Variants in CDH18 observed in about 807,000 individuals in gnomAD.
CDH18 encodes the protein cadherin-18.
A neutral mutation model predicts 67.9 loss-of-function variants in CDH18; 31 were observed. That is an observed-to-expected ratio of 0.46 (90% CI 0.34 to 0.62). The LOEUF is 0.62. Among genes scored for constraint, CDH18 ranks in the 20% least tolerant of loss-of-function variants. The pLI is 0.01. For synonymous variants in CDH18, 362 were observed against 347.2 expected (o/e 1.04, Z -0.48); for missense variants, 890 against 975.5 (o/e 0.91, Z 1.17).
chr5:20,524,080 T>A (rs1231238778), intron 1 of CDH18, among the ~76,000 whole-genome samples: 1 of 152,212 alleles, frequency 6.6e-6, no homozygotes, highest in African/African-American at 2.4e-5. Flanking sequence ...AGCTCTTTTC[T>A]ATCCAATGAT....
chr5:19,732,523 T>A (rs970818515), intron 4 of CDH18, among the ~76,000 whole-genome samples: 1 of 152,014 alleles, frequency 6.6e-6, no homozygotes, highest in African/African-American at 2.4e-5. Context: ...AATAAATAAA[T>A]AAAATAAATT....
At chr5:19,489,274 G>GTC (rs1347026921) in intron 11 of CDH18, among the ~76,000 whole-genome samples, 1 of 137,608 alleles carries the variant, frequency 7.3e-6, no homozygotes, top group Non-Finnish European at 1.5e-5. Flanking sequence ...TTGAGACTGA[G>GTC]TCTCTCTCTG....
chr5:19,786,670 A>G (rs1339132889), intron 3 of CDH18, among the ~76,000 whole-genome samples: 1 of 152,156 alleles, frequency 6.6e-6, no homozygotes, highest in African/African-American at 2.4e-5. Context: ...TAATTCTTCC[A>G]TGTCCTCACC....
chr5:19,685,490 C>G (rs1472420181), intron 5 of CDH18, among the ~76,000 whole-genome samples: 1 of 152,162 alleles, frequency 6.6e-6, no homozygotes, highest in Non-Finnish European at 1.5e-5. Context: ...CTGACTGTCT[C>G]CCACCCTTTC....
chr5:19,592,370 ATAATTATTT>A (rs1745296779), intron 6 of CDH18, among the ~76,000 whole-genome samples: 1 of 152,020 alleles, frequency 6.6e-6, no homozygotes, highest in African/African-American at 2.4e-5. Flanking sequence ...CATGTTTTTA[ATAATTATTT>A]TATTGACAAG....
intron 1 of CDH18, among the ~76,000 whole-genome samples, chr5:20,519,193 T>A (rs192785090): frequency 4.6e-4 from 70 of 152,278 alleles, no homozygotes; most frequent in African/African-American, 1.7e-3. Flanking sequence ...AAAGACACTT[T>A]CCTACAAAAT....
At chr5:19,786,451 A>G (rs1775782453) in intron 3 of CDH18, among the ~76,000 whole-genome samples, 1 of 152,156 alleles carries the variant, frequency 6.6e-6, no homozygotes, top group Non-Finnish European at 1.5e-5. Flanking sequence ...TGAAGTGAAA[A>G]TATTATTTTC....
chr5:19,774,105 C>G lies in CDH18; in HGVS notation c.229-26869G>C, dbSNP rs116724740. On this transcript the variant is annotated intron_variant, in intron 3 of 12. Transcript: ENST00000382275. The stretch of plus-strand genomic sequence containing the variant: ...TCCAAAATAACATGGGTTTGGTGCA[C>G]TGAAGAGGTGATGAAAAAGCTAGCA... 3.0e-3 allele frequency among the ~76,000 whole-genome samples: 461 copies of G among 152,176 alleles called. 1 individual carries two copies. Among genetic ancestry groups the G allele is most frequent in the African/African-American group, 0.011 (438 of 41,532 alleles).
At chr5:20,275,806 A>G (rs1561931784) in intron 1 of CDH18, among the ~76,000 whole-genome samples, 1 of 152,200 alleles carries the variant, frequency 6.6e-6, no homozygotes, top group Non-Finnish European at 1.5e-5. Context: ...GATAGGAAAG[A>G]CAGTCTTGAA....
intron 2 of CDH18, among the ~76,000 whole-genome samples, chr5:19,939,602 T>C (rs1794623435): frequency 2.0e-5 from 3 of 151,808 alleles, no homozygotes. Context: ...AACTCCGTGT[T>C]CACTAATCAT....
At chr5:20,030,232 C>T (rs1739275364) in intron 2 of CDH18, among the ~76,000 whole-genome samples, 1 of 152,104 alleles carries the variant, frequency 6.6e-6, no homozygotes, top group Non-Finnish European at 1.5e-5. Flanking sequence ...TGTCAGCTAA[C>T]CACACTTTTT....
intron 1 of CDH18, among the ~76,000 whole-genome samples, chr5:20,352,104 T>A (rs143686210): frequency 1.3e-5 from 2 of 152,156 alleles, no homozygotes; most frequent in South Asian, 4.1e-4. Context: ...CATACACACT[T>A]GACCCTTGAA....
At chr5:19,697,973 CA>C (rs1052120596) in intron 5 of CDH18, among the ~76,000 whole-genome samples, 23 of 152,298 alleles carry the variant, frequency 1.5e-4, no homozygotes, top group African/African-American at 5.5e-4. Flanking sequence ...CTGAAATTCA[CA>C]TGGAATCTTT....
chr5:19,573,054 T>C (rs937583224), intron 7 of CDH18, among the ~76,000 whole-genome samples: 4 of 152,210 alleles, frequency 2.6e-5, no homozygotes, highest in Non-Finnish European at 5.9e-5. Flanking sequence ...GATAAGCCAC[T>C]ACAATATTTT....
chr5:20,140,166 T>C (rs1221977435), intron 2 of CDH18, among the ~76,000 whole-genome samples: 1 of 152,124 alleles, frequency 6.6e-6, no homozygotes, highest in African/African-American at 2.4e-5. Context: ...ATGTCCTTTG[T>C]AGGCACATGG....
intron 1 of CDH18, among the ~76,000 whole-genome samples, chr5:20,446,926 TTAGAA>T (rs1445100828): frequency 6.6e-6 from 1 of 152,188 alleles, no homozygotes; most frequent in Admixed American, 6.5e-5. Flanking sequence ...TATACCACCT[TTAGAA>T]AACAGATGTA....
chr5:20,305,734 G>A, intron 1 of CDH18: 1 of 365,942 alleles, frequency 2.7e-6, no homozygotes, highest in South Asian at 2.8e-5. Flanking sequence ...AGACCGCTGT[G>A]GGAACCGCGC....
intron 1 of CDH18, among the ~76,000 whole-genome samples, chr5:20,272,716 T>C (rs902514327): frequency 1.3e-5 from 2 of 151,898 alleles, no homozygotes; most frequent in African/African-American, 4.8e-5. Context: ...AGTCCATTCA[T>C]TTTTTTCCCT....
At chr5:20,221,878 T>A (rs1741254530) in intron 2 of CDH18, among the ~76,000 whole-genome samples, 1 of 152,164 alleles carries the variant, frequency 6.6e-6, no homozygotes, top group Non-Finnish European at 1.5e-5. Flanking sequence ...ATCTAAACCT[T>A]AAATTAAAAT....
Sources: gnomAD v4.1 joint callset for allele counts (sites outside exome capture counted in the v4.1 genomes callset) on GRCh38, gnomAD v4.1.1 for gene constraint, MANE v1.5 for transcripts, NCBI Gene and HGNC (gene_info 2026-07-23, HGNC 2026-07-21) for gene names.